LDLRAD4: variants seen among roughly 807,000 people sequenced by gnomAD.
The protein encoded by LDLRAD4 is low-density lipoprotein receptor class A domain-containing protein 4.
In LDLRAD4, 5 loss-of-function variants were observed where a neutral mutation model predicts 17.0. The observed-to-expected ratio is 0.29, with a 90% confidence interval of 0.15 to 0.62. The LOEUF is 0.62. Among genes scored for constraint, LDLRAD4 ranks in the 20% least tolerant of loss-of-function variants. The probability of loss-of-function intolerance (pLI) is 0.84; values close to 1 mark genes in which losing one functional copy is unlikely to be tolerated. For missense variants in LDLRAD4, 340 were observed against 424.7 expected (o/e 0.80, Z 1.75); for synonymous variants, 168 against 171.8 (o/e 0.98, Z 0.17).
rs150331256 is a variant in LDLRAD4 at position 13,240,622 on chromosome 18, G to T, written c.-467+21634G>T. 242 of 152,456 alleles carry T rather than the reference G, an allele frequency of 1.6e-3. 2 individuals carry two copies. In the East Asian group the frequency reaches 0.022, roughly 14 times the overall value. The allele number at this position is 152,456 out of a possible 1,614,324, so 9.4% of individuals were successfully genotyped here. On this transcript the variant is annotated intron_variant, in intron 1 of 5. Transcript: ENST00000399848. ...TGCTTGTGTATATGTGTGCATGTGT[G>T]TGCTTGTGTGCATGTGTGCATGCGC...
intron 1 of LDLRAD4, 45 bp from the exon 3 acceptor site, chr18:13,387,296 T>C (rs925636933): frequency 9.3e-5 from 16 of 172,952 alleles, no homozygotes; most frequent in Non-Finnish European, 1.2e-4. Flanking sequence ...CTGTTAATTG[T>C]AATGCTTCTG....
intron 1 of LDLRAD4, among the ~76,000 whole-genome samples, chr18:13,298,869 A>G (rs1289800223): frequency 1.3e-5 from 2 of 152,226 alleles, no homozygotes; most frequent in African/African-American, 4.8e-5. Context: ...GCAGGCATCC[A>G]TACGTCATGC....
chr18:13,380,711 T>C (rs1348088285), intron 1 of LDLRAD4, among the ~76,000 whole-genome samples: 1 of 152,248 alleles, frequency 6.6e-6, no homozygotes, highest in Non-Finnish European at 1.5e-5. Flanking sequence ...AATATAATTA[T>C]TGCTTTTCCT....
intron 1 of LDLRAD4, among the ~76,000 whole-genome samples, chr18:13,379,656 G>A (rs1450512582): frequency 1.3e-5 from 2 of 152,190 alleles, no homozygotes; most frequent in African/African-American, 2.4e-5. Flanking sequence ...CTTTGGTGGC[G>A]TCCTGCAGGC....
chr18:13,394,681 C>G (rs2086522512), intron 2 of LDLRAD4, among the ~76,000 whole-genome samples: 1 of 152,196 alleles, frequency 6.6e-6, no homozygotes, highest in Non-Finnish European at 1.5e-5. Flanking sequence ...ATAGCACAGC[C>G]AAGACCAGTT....
intron 3 of LDLRAD4, among the ~76,000 whole-genome samples, chr18:13,558,835 GGTGA>G (rs2094510820): frequency 6.6e-6 from 1 of 152,162 alleles, no homozygotes; most frequent in Non-Finnish European, 1.5e-5. Context: ...TCTGTTAATA[GGTGA>G]TCAACAGTAA....
chr18:13,225,793 T>C (rs1298034034), intron 1 of LDLRAD4, among the ~76,000 whole-genome samples: 3 of 152,220 alleles, frequency 2.0e-5, no homozygotes, highest in Non-Finnish European at 4.4e-5. Flanking sequence ...TAAAGTCATT[T>C]ATGTACTTTT....
At chr18:13,312,187 C>T (rs2047276715) in intron 1 of LDLRAD4, among the ~76,000 whole-genome samples, 1 of 152,116 alleles carries the variant, frequency 6.6e-6, no homozygotes, top group African/African-American at 2.4e-5. Flanking sequence ...CACAGCTGAC[C>T]ATGGTGCCGG....
rs933428840 is a variant in LDLRAD4, at chr18:13,642,279, T to C, written c.337-1080T>C. The stretch of plus-strand genomic sequence containing the variant: ...TCAGTGATGGCCCAGCCCGCCCGTT[T>C]CCGAGAATTCCCCAAACGCGGGCCC... On this transcript the variant is annotated intron_variant, in intron 4 of 5. Coordinates refer to ENST00000359446, the Ensembl canonical transcript of LDLRAD4. The C allele has an allele frequency of 2.1e-5, 21 of 988,572 alleles. No individual in the cohort carries two copies. In the Admixed American group the frequency reaches 3.7e-4, roughly 17 times the overall value. The allele number at this position is 988,572 out of a possible 1,614,324, so 61.2% of individuals were successfully genotyped here. A position where few individuals can be genotyped will look rare whatever the true frequency, so the allele number is the denominator to read the frequency against.
intron 4 of LDLRAD4, among the ~76,000 whole-genome samples, chr18:13,639,678 T>C (rs2042360082): frequency 1.3e-5 from 2 of 152,196 alleles, no homozygotes; most frequent in African/African-American, 2.4e-5. Flanking sequence ...CCTCAAGCTC[T>C]TCCACCACAG....
In LDLRAD4 at chr18:13,338,225, T is replaced by C. The variant is rs540905231; in HGVS notation, c.-382-49116T>C. Among the ~76,000 whole-genome samples the C allele has an allele frequency of 8.5e-5, 13 of 152,346 alleles. No individual in the cohort carries two copies. In the South Asian group the frequency reaches 2.7e-3, roughly 32 times the overall value. On this transcript the variant is annotated intron_variant, in intron 1 of 5. Coordinates refer to ENST00000359446, the Ensembl canonical transcript of LDLRAD4. ...TTCATATCATCCACCATGTTTCCTT[T>C]CTATTCTCCCTTGATTTTTCTTTTT...
rs143799024 is a variant in LDLRAD4 at position 13,304,959 on chromosome 18, A to T, written c.-383+26771A>T. On this transcript the variant is annotated intron_variant, in intron 1 of 5. Coordinates refer to ENST00000359446, the Ensembl canonical transcript of LDLRAD4. ...TCACAGTTGAAAAACTGAAAAACTTAGTTGACTCTTGTACAACATGGGTTG... is the reference window on the plus strand; with the variant it reads ...TCACAGTTGAAAAACTGAAAAACTTTGTTGACTCTTGTACAACATGGGTTG... Among the ~76,000 whole-genome samples the T allele has an allele frequency of 1.9e-3, 282 of 152,312 alleles. 2 individuals carry two copies. The highest frequency in any genetic ancestry group is 6.3e-3 in the African/African-American group (262 of 41,566).
At chr18:13,258,439 T>A (rs183140433) in intron 1 of LDLRAD4, among the ~76,000 whole-genome samples, 473 of 152,324 alleles carry the variant, frequency 3.1e-3, no homozygotes, top group African/African-American at 9.3e-3. Context: ...GTGAAAACAC[T>A]TGAAATGAGA....
intron 3 of LDLRAD4, among the ~76,000 whole-genome samples, chr18:13,492,216 G>A (rs1372993032): frequency 6.6e-6 from 1 of 152,212 alleles, no homozygotes; most frequent in Non-Finnish European, 1.5e-5. Context: ...GGGCACAGAG[G>A]AAGGATGCGA....
intron 1 of LDLRAD4, among the ~76,000 whole-genome samples, chr18:13,304,482 A>G (rs1030154333): frequency 2.0e-5 from 3 of 152,062 alleles, no homozygotes; most frequent in Non-Finnish European, 4.4e-5. Context: ...AGCAGGGATG[A>G]CTTCAGGGAG....
At chr18:13,394,575 G>A (rs906481181) in intron 2 of LDLRAD4, among the ~76,000 whole-genome samples, 4 of 152,218 alleles carry the variant, frequency 2.6e-5, no homozygotes, top group Non-Finnish European at 5.9e-5. Context: ...TTTGTTTGCT[G>A]AAAGCTTTCA....
rs35091683 is a variant in LDLRAD4, at chr18:13,472,925, C to A, written c.181+34541C>A. Among the ~76,000 whole-genome samples, 41 of 152,196 alleles carry A rather than the reference C, an allele frequency of 2.7e-4. No homozygotes were observed. The Middle Eastern group carries it at 0.02, about 76-fold the overall frequency. ...TGGTAGTGTTTATGTCTGTCTTTTG[C>A]AAACGTTAGAAGATAGTGTTAATTC... On this transcript the variant is annotated intron_variant, in intron 3 of 5. Transcript: ENST00000359446.
intron 3 of LDLRAD4, among the ~76,000 whole-genome samples, chr18:13,530,965 G>A (rs1484295910): frequency 6.6e-6 from 1 of 152,218 alleles, no homozygotes; most frequent in Non-Finnish European, 1.5e-5. Context: ...CCAAAAGTCT[G>A]GATTTAGAGT....
chr18:13,440,773 C>T lies in LDLRAD4; in HGVS notation c.181+2389C>T, dbSNP rs773633195. 6.6e-6 allele frequency among the ~76,000 whole-genome samples: 1 copy of T among 152,250 alleles called. No individual in the cohort carries two copies. Among genetic ancestry groups the T allele is most frequent in the East Asian group, 1.9e-4 (1 of 5,202 alleles). On this transcript the variant is annotated intron_variant, in intron 3 of 5. Coordinates refer to ENST00000359446, the Ensembl canonical transcript of LDLRAD4. The surrounding 1 kb of genome is among the most constrained non-coding windows in gnomAD (Gnocchi z 4.4). ...TTGCAGTTGCCATCTCCACTCCCCA[C>T]GTGGCCCTTCCTGGGGAGTGCACTG... is the stretch of plus-strand genomic sequence containing the variant.
Sources: allele counts gnomAD v4.1 joint callset (sites outside exome capture counted in the v4.1 genomes callset), GRCh38; gene constraint gnomAD v4.1.1; non-coding constraint Gnocchi (gnomAD v3.1); transcripts MANE v1.5; gene names NCBI Gene and HGNC (gene_info 2026-07-23, HGNC 2026-07-21).